Variants in KDM3A observed in about 807,000 individuals in gnomAD.
KDM3A encodes the protein lysine-specific demethylase 3A.
In KDM3A, 60 loss-of-function variants were observed where a neutral mutation model predicts 158.0. The observed-to-expected ratio is 0.38, with a 90% CI of 0.31 to 0.47. KDM3A has a LOEUF of 0.47. Ranked by LOEUF, KDM3A falls within the 20% of genes least tolerant of loss-of-function variation. The pLI is 0.99. For missense variants in KDM3A, 1,319 were observed against 1,574.3 expected (o/e 0.84, Z 2.74); for synonymous variants, 608 against 549.3 (o/e 1.11, Z -1.49).
Position 86,451,221 on chromosome 2 carries a change from ATAGAAACAGTAGTAAACAT to A in KDM3A, c.453+18_453+36del. On this transcript the variant is annotated intron_variant, in intron 4 of 25. Coordinates refer to ENST00000312912, the MANE Select transcript of KDM3A (RefSeq NM_018433.6). Reference sequence around the variant, plus strand: ...CTTTTGAAGCCTATACAGGTAAAACATAGAAACAGTAGTAAACATTAGAAACAGAAATACGAACTCCTTT... The same window carrying A: ...CTTTTGAAGCCTATACAGGTAAAACATAGAAACAGAAATACGAACTCCTTT... 6.6e-7 allele frequency: 1 copy of A among 1,520,112 alleles called. No individual in the cohort carries two copies. Among genetic ancestry groups the A allele is most frequent in the East Asian group, 2.3e-5 (1 of 44,344 alleles). The allele number at this position is 1,520,112 out of a possible 1,614,324, so 94.2% of individuals were successfully genotyped here. A position where few individuals can be genotyped will look rare whatever the true frequency, so the allele number is the denominator to read the frequency against.
chr2:86,480,774 C>A (rs1257746265), intron 16 of KDM3A, among the ~76,000 whole-genome samples: 1 of 152,096 alleles, frequency 6.6e-6, no homozygotes, highest in Non-Finnish European at 1.5e-5. Flanking sequence ...TCTAAGATGA[C>A]TGTTGTAGAA....
intron 2 of KDM3A, among the ~76,000 whole-genome samples, chr2:86,444,727 C>T (rs1050779321): frequency 1.3e-5 from 2 of 152,050 alleles, no homozygotes; most frequent in Non-Finnish European, 2.9e-5. Context: ...AACCATTCTT[C>T]TATTATTAGG....
At position 86,457,147 on chromosome 2, in the gene KDM3A, A is replaced by G. The variant is rs149538232; in HGVS notation, c.843+76A>G. On this transcript the variant is annotated intron_variant, in intron 8 of 25. Coordinates refer to ENST00000312912, the MANE Select transcript of KDM3A (RefSeq NM_018433.6). ...GCATGGCTAGTTTTTATTTTTTATT[A>G]TTTATTTAATTATTTTTATTTTTTT... 1.0e-3 allele frequency: 546 copies of G among 526,398 alleles called. 5 individuals are homozygous for G. The highest frequency in any genetic ancestry group is 0.01 in the African/African-American group (503 of 50,154). 32.6% of individuals were successfully genotyped at this position (526,398 alleles called of 1,614,324 possible). A position where few individuals can be genotyped will look rare whatever the true frequency, so the allele number is the denominator to read the frequency against.
At position 86,442,077 on chromosome 2, in the gene KDM3A, G is replaced by A; in HGVS notation, c.30G>A (p.Pro10=). The A allele has an allele frequency of 2.5e-6, 4 of 1,614,120 alleles. No individual in the cohort carries two copies. Among genetic ancestry groups the A allele is most frequent in the African/African-American group, 1.3e-5 (1 of 75,054 alleles). The change falls in exon 2 of 26, where the codon CCG becomes CCA. Residue 10 remains proline, a synonymous_variant. Coordinates refer to ENST00000312912, the MANE Select transcript of KDM3A (RefSeq NM_018433.6). ...TGCTCACGCTCGGAGAAAGTTGGCC[G>A]GTATTGGTGGGGAGGAGGTTTCTCA... is the stretch of plus-strand genomic sequence containing the variant. The part of the protein sequence containing the change: MVLTLGESW[P]VLVGRRFLSL...
At chr2:86,488,933 A>G (rs1010280775) in intron 21 of KDM3A, 10 of 187,326 alleles carry the variant, frequency 5.3e-5, no homozygotes, top group African/African-American at 1.4e-4. Flanking sequence ...TTCCAGGTTT[A>G]TGTGTGTGTG....
chr2:86,464,387 T>C (rs1213555085), intron 9 of KDM3A, among the ~76,000 whole-genome samples, 171 bp downstream of exon 9: 2 of 152,040 alleles, frequency 1.3e-5, no homozygotes, highest in African/African-American at 2.4e-5. Flanking sequence ...CAGAGCAACA[T>C]AGAAAATGGT....
Position 86,450,839 on chromosome 2 carries a change from G to C in KDM3A, c.343-264G>C, listed in dbSNP as rs72844690. Among the ~76,000 whole-genome samples the C allele has an allele frequency of 5.9e-3, 896 of 152,130 alleles. 12 individuals carry two copies. Among genetic ancestry groups the C allele is most frequent in the Non-Finnish European group, 0.01 (708 of 67,984 alleles). ...AGAAGTGTGCATACAAACAGTTTTT[G>C]CATAAATTTTTGGGACACCATGAAT... On this transcript the variant is annotated intron_variant, in intron 3 of 25. Transcript: ENST00000312912.
At chr2:86,482,341 C>T (rs1673973059) in intron 17 of KDM3A, 117 bp from the exon 18 acceptor site, 2 of 1,506,948 alleles carry the variant, frequency 1.3e-6, no homozygotes, top group Non-Finnish European at 8.9e-7. Context: ...TACCTTTTTG[C>T]CTGGGGGTCC....
At chr2:86,453,107 A>G (rs1431899763) in intron 4 of KDM3A, among the ~76,000 whole-genome samples, 1 of 152,104 alleles carries the variant, frequency 6.6e-6, no homozygotes, top group African/African-American at 2.4e-5. Flanking sequence ...GTAGAACCCT[A>G]GTTTTGTTTC....
chr2:86,458,828 G>T (rs1672811496), intron 8 of KDM3A, among the ~76,000 whole-genome samples: 1 of 152,122 alleles, frequency 6.6e-6, no homozygotes, highest in South Asian at 2.1e-4. Context: ...GGGTGTTCAG[G>T]GGTTTTAAGT....
intron 8 of KDM3A, chr2:86,460,964 G>A (rs187765683): frequency 6.6e-6 from 1 of 152,272 alleles, no homozygotes; most frequent in Admixed American, 6.5e-5. Flanking sequence ...AAATACTTGA[G>A]TTTCTTAAAG....
intron 8 of KDM3A, among the ~76,000 whole-genome samples, chr2:86,462,525 C>G (rs1424047902): frequency 6.6e-6 from 1 of 151,918 alleles, no homozygotes; most frequent in Non-Finnish European, 1.5e-5. Context: ...TTAGGAAACT[C>G]AAAAAACACC....
intron 21 of KDM3A, 176 bp from the exon 22 acceptor site, chr2:86,489,142 T>C (rs1674331257): frequency 3.0e-6 from 2 of 675,772 alleles, no homozygotes; most frequent in South Asian, 2.1e-5. Context: ...GAGTATTCCT[T>C]CTTTTCTTGC....
chr2:86,462,111 T>C (rs960470850), intron 8 of KDM3A, among the ~76,000 whole-genome samples: 9 of 152,010 alleles, frequency 5.9e-5, no homozygotes, highest in Non-Finnish European at 1.2e-4. Flanking sequence ...AGTAGTGACA[T>C]GAAAAGAAAT....
Position 86,484,130 on chromosome 2 carries a change from C to T in KDM3A, c.3066C>T (p.Asp1022=), listed in dbSNP as rs749851065. The stretch of plus-strand genomic sequence containing the variant: ...TCATCACAGGAGCCACAGTAGGAGA[C>T]TTCTGGGATGGATTTGAAGATGTTC... ...NEIITGATVG[D]FWDGFEDVPN... The change falls in exon 19 of 26, where the codon GAC becomes GAT. Residue 1022 remains aspartate, a synonymous_variant. Transcript: ENST00000312912. 51 of 1,613,496 alleles carry T rather than the reference C, an allele frequency of 3.2e-5. No homozygotes were observed. The Admixed American group carries it at 5.8e-4, about 18-fold the overall frequency.
At chr2:86,438,214 C>G (rs2104607332), upstream of KDM3A, among the ~76,000 whole-genome samples, 1 of 152,102 alleles carries the variant, frequency 6.6e-6, no homozygotes, top group Non-Finnish European at 1.5e-5. Context: ...TTTGGTGTAT[C>G]TATTGAGATA....
intron 4 of KDM3A, among the ~76,000 whole-genome samples, chr2:86,452,888 A>G (rs1278877178): frequency 1.3e-5 from 2 of 152,202 alleles, no homozygotes; most frequent in Admixed American, 1.3e-4. Flanking sequence ...AGATGCTTTC[A>G]CTTAGTTAAT....
At chr2:86,443,441 T>A (rs7574389) in intron 2 of KDM3A, 121,583 of 152,174 alleles carry the variant, frequency 0.8, 49,181 homozygotes, top group East Asian at 0.96. Flanking sequence ...GCCTTGTCTC[T>A]TGTTGAAAAG....
chr2:86,469,323 G>C (rs1237778380), intron 10 of KDM3A, among the ~76,000 whole-genome samples: 1 of 152,094 alleles, frequency 6.6e-6, no homozygotes, highest in Non-Finnish European at 1.5e-5. Flanking sequence ...GTTGGTTTTT[G>C]ACTTTCGTTT....
Sources: gnomAD v4.1 joint callset for allele counts (sites outside exome capture counted in the v4.1 genomes callset) on GRCh38, gnomAD v4.1.1 for gene constraint, MANE v1.5 for transcripts, NCBI Gene and HGNC (gene_info 2026-07-23, HGNC 2026-07-21) for gene names.